MICU1: variants seen among roughly 807,000 people sequenced by gnomAD.
The protein encoded by MICU1 is calcium uptake protein 1, mitochondrial.
In MICU1, 45 loss-of-function variants were observed where a neutral mutation model predicts 56.8. The ratio of observed to expected loss-of-function variants is 0.79; its 90% CI spans 0.62 to 1.02. The LOEUF is 1.02. Among genes scored for constraint, MICU1 ranks in the 50% least tolerant of loss-of-function variants. The pLI is 0.00. For missense variants in MICU1, 504 were observed against 587.1 expected (o/e 0.86, Z 1.46); for synonymous variants, 186 against 195.1 (o/e 0.95, Z 0.39).
intron 8 of MICU1, among the ~76,000 whole-genome samples, chr10:72,447,130 A>T (rs1056773511): frequency 6.6e-6 from 1 of 152,194 alleles, no homozygotes. Context: ...TTTTGCCCGT[A>T]AAAACCAGAT....
chr10:72,493,075 C>T (rs117273499), intron 6 of MICU1, among the ~76,000 whole-genome samples: 2,131 of 152,288 alleles, frequency 0.014, 27 homozygotes, highest in Non-Finnish European at 0.024. Context: ...CAAAATTGTG[C>T]CATTGCACTC....
At chr10:72,470,241 T>A (rs1865910096) in intron 8 of MICU1, among the ~76,000 whole-genome samples, 1 of 152,222 alleles carries the variant, frequency 6.6e-6, no homozygotes, top group Non-Finnish European at 1.5e-5. Context: ...ATACTCTTGC[T>A]GCTAGTCACG....
chr10:72,487,744 T>C lies in MICU1; in HGVS notation c.653-10488A>G, dbSNP rs545060213. Among the ~76,000 whole-genome samples the C allele has an allele frequency of 1.1e-4, 17 of 152,298 alleles. No individual in the cohort carries two copies. In the East Asian group the frequency reaches 1.9e-3, roughly 17 times the overall value. On this transcript the variant is annotated intron_variant, in intron 6 of 11. Coordinates refer to ENST00000361114, the MANE Select transcript of MICU1 (RefSeq NM_001195518.2). ...CCAGATTTCTTCTCTACCACAACAA[T>C]GTCCTGCTTATTCCTCAACAAACAA...
intron 1 of MICU1, among the ~76,000 whole-genome samples, chr10:72,621,079 A>C (rs1278146706): frequency 6.6e-6 from 1 of 152,212 alleles, no homozygotes; most frequent in Non-Finnish European, 1.5e-5. Flanking sequence ...AATTGTTTTA[A>C]TGATGAACCA....
chr10:72,448,173 GTATA>G (rs1202727249), intron 8 of MICU1, among the ~76,000 whole-genome samples: 1,088 of 77,024 alleles, frequency 0.014, 51 homozygotes, highest in African/African-American at 0.043. Flanking sequence ...ATATGTGTGT[GTATA>G]TATATATATA....
At chr10:72,430,814 C>T (rs1864501605) in intron 8 of MICU1, among the ~76,000 whole-genome samples, 1 of 152,192 alleles carries the variant, frequency 6.6e-6, no homozygotes, top group Non-Finnish European at 1.5e-5. Context: ...CCAGCCTCAG[C>T]CTCCCAAAGT....
At chr10:72,438,594 A>C (rs1220351242) in intron 8 of MICU1, among the ~76,000 whole-genome samples, 7 of 151,822 alleles carry the variant, frequency 4.6e-5, no homozygotes, top group Non-Finnish European at 1.0e-4. Flanking sequence ...CTTCAAAAAA[A>C]ATCAATGAAT....
chr10:72,574,725 T>A (rs569238781), intron 1 of MICU1, among the ~76,000 whole-genome samples: 1 of 151,998 alleles, frequency 6.6e-6, no homozygotes, highest in African/African-American at 2.4e-5. Flanking sequence ...CTAGAATGCA[T>A]GGGATGGCAA....
intron 11 of MICU1, among the ~76,000 whole-genome samples, chr10:72,370,689 CA>C (rs1862302686): frequency 6.6e-6 from 1 of 152,148 alleles, no homozygotes; most frequent in African/African-American, 2.4e-5. Context: ...GCTGGTTATA[CA>C]AGTGTGTTCA....
chr10:72,566,600 T>C (rs1564938059), intron 2 of MICU1, 33 bp downstream of exon 2: 3 of 1,591,496 alleles, frequency 1.9e-6, no homozygotes, highest in African/African-American at 1.3e-5. Context: ...AATAAAAGTA[T>C]ACGCAAGAAC....
intron 1 of MICU1, among the ~76,000 whole-genome samples, chr10:72,600,869 T>TC (rs1841513586): frequency 6.6e-6 from 1 of 152,004 alleles, no homozygotes; most frequent in Non-Finnish European, 1.5e-5. Flanking sequence ...TTAGAACATA[T>TC]CCCCCCGTAG....
intron 5 of MICU1, among the ~76,000 whole-genome samples, chr10:72,519,280 C>T (rs1270974134): frequency 6.6e-6 from 1 of 152,172 alleles, no homozygotes; most frequent in Non-Finnish European, 1.5e-5. Context: ...AGTCTTAGAT[C>T]TTACTTATTT....
At chr10:72,545,184 G>A (rs1839867929) in intron 4 of MICU1, among the ~76,000 whole-genome samples, 1 of 152,046 alleles carries the variant, frequency 6.6e-6, no homozygotes, top group Non-Finnish European at 1.5e-5. Flanking sequence ...GGAAATTCCT[G>A]TTCATGAGCA....
In MICU1 at chr10:72,566,692, C is replaced by T; in HGVS notation, c.102G>A (p.Met34Ile). 1 of 1,612,950 alleles carries T rather than the reference C, an allele frequency of 6.2e-7. No individual in the cohort carries two copies. The highest frequency in any genetic ancestry group is 8.5e-7 in the Non-Finnish European group (1 of 1,179,478). The change falls in exon 2 of 12, where the codon ATG (methionine) becomes ATA (isoleucine). Residue 34 changes from methionine (M) to isoleucine (I), a missense_variant. Coordinates refer to ENST00000361114, the MANE Select transcript of MICU1 (RefSeq NM_001195518.2). Reference sequence around the variant, plus strand: ...CAGATGCTCCCAGGAAAGCCACCATCATTAGTCTTCGCCGGATCTGGATGG... The same window carrying T: ...CAGATGCTCCCAGGAAAGCCACCATTATTAGTCTTCGCCGGATCTGGATGG... ...SQPIQIRRRL[M>I]MVAFLGASAV... is the part of the protein sequence containing the mutation.
At chr10:72,491,487 C>T (rs1469829743) in intron 6 of MICU1, among the ~76,000 whole-genome samples, 1 of 152,196 alleles carries the variant, frequency 6.6e-6, no homozygotes, top group Non-Finnish European at 1.5e-5. Context: ...AAAAGCAACT[C>T]TGTGACAGAC....
At chr10:72,498,118 T>C (rs1480293971) in intron 6 of MICU1, among the ~76,000 whole-genome samples, 3 of 152,154 alleles carry the variant, frequency 2.0e-5, no homozygotes, top group African/African-American at 7.2e-5. Context: ...AAAATAAAAT[T>C]CTAGTTGAGA....
chr10:72,511,719 T>C (rs984542965), intron 5 of MICU1, among the ~76,000 whole-genome samples: 1 of 152,228 alleles, frequency 6.6e-6, no homozygotes, highest in Non-Finnish European at 1.5e-5. Context: ...CATTTCTTCA[T>C]TTATTGAGGA....
chr10:72,450,931 G>C (rs961398398), intron 8 of MICU1, among the ~76,000 whole-genome samples: 1 of 151,628 alleles, frequency 6.6e-6, no homozygotes, highest in Non-Finnish European at 1.5e-5. Context: ...GGCCAGGCTG[G>C]TCTTGAACTC....
chr10:72,494,917 T>C (rs1220289052), intron 6 of MICU1, among the ~76,000 whole-genome samples: 1 of 152,186 alleles, frequency 6.6e-6, no homozygotes, highest in Non-Finnish European at 1.5e-5. Flanking sequence ...ATGTTTCTAC[T>C]TCACAGTGTA....
Sources: allele counts gnomAD v4.1 joint callset (sites outside exome capture counted in the v4.1 genomes callset), GRCh38; gene constraint gnomAD v4.1.1; transcripts MANE v1.5; gene names NCBI Gene and HGNC (gene_info 2026-07-23, HGNC 2026-07-21).